Variants in NCKAP5 observed in about 807,000 individuals in gnomAD.
The protein encoded by NCKAP5 is nck-associated protein 5.
NCKAP5 carries 92 observed loss-of-function variants against 167.0 expected under a neutral mutation model. The ratio of observed to expected loss-of-function variants is 0.55; its 90% confidence interval spans 0.47 to 0.66. The LOEUF (loss-of-function observed/expected upper bound fraction) is 0.66, where lower values mean the gene tolerates loss of function less well. NCKAP5 is among the 30% of genes least tolerant of loss of function. The probability of loss-of-function intolerance (pLI) is 0.00; values close to 1 mark genes in which losing one functional copy is unlikely to be tolerated. For missense variants in NCKAP5, 2,378 were observed against 2,315.0 expected (o/e 1.03, Z -0.56); for synonymous variants, 891 against 877.4 (o/e 1.02, Z -0.27).
chr2:132,909,550 C>T (rs904787346), intron 8 of NCKAP5, among the ~76,000 whole-genome samples: 1 of 152,206 alleles, frequency 6.6e-6, no homozygotes, highest in Non-Finnish European at 1.5e-5. Context: ...AGATTATCGA[C>T]AATGGTTCTG....
At chr2:133,249,985 C>T (rs888749480) in intron 4 of NCKAP5, among the ~76,000 whole-genome samples, 1 of 82,788 alleles carries the variant, frequency 1.2e-5, no homozygotes, top group Non-Finnish European at 2.7e-5. Context: ...CATGTAAAGC[C>T]ACCACCAAGG....
chr2:132,840,627 G>T (rs938011133), intron 11 of NCKAP5, among the ~76,000 whole-genome samples: 1 of 152,088 alleles, frequency 6.6e-6, no homozygotes, highest in African/African-American at 2.4e-5. Context: ...CACCACAATA[G>T]CAGCAGGAAG....
chr2:133,672,528 T>C, the NCKAP5 span, among the ~76,000 whole-genome samples: 1 of 152,242 alleles, frequency 6.6e-6, no homozygotes, highest in Admixed American at 6.5e-5. Context: ...AAACAGGTTC[T>C]TCACCACAGA....
intron 11 of NCKAP5, among the ~76,000 whole-genome samples, chr2:132,813,129 G>A (rs992999274): frequency 6.6e-6 from 1 of 152,220 alleles, no homozygotes; most frequent in Admixed American, 6.5e-5. Context: ...AGAGACGAGA[G>A]AGAATGTGCC....
chr2:133,222,090 T>C (rs1025898208), intron 4 of NCKAP5, among the ~76,000 whole-genome samples: 2 of 152,150 alleles, frequency 1.3e-5, no homozygotes, highest in Non-Finnish European at 2.9e-5. Context: ...TCCCATGAGG[T>C]AGGTATTATT....
chr2:133,065,061 C>T lies in NCKAP5; in HGVS notation c.341+64917G>A, dbSNP rs544640407. On this transcript the variant is annotated intron_variant, in intron 6 of 19. Coordinates refer to ENST00000409261, the MANE Select transcript of NCKAP5 (RefSeq NM_207363.3). Reference sequence around the variant, plus strand: ...ATGAACAGAGTCATTTAGCCTCATTCTCTTGTTTTAAAGTGTTGATTGCCT... The same window carrying T: ...ATGAACAGAGTCATTTAGCCTCATTTTCTTGTTTTAAAGTGTTGATTGCCT... Among the ~76,000 whole-genome samples the T allele has an allele frequency of 6.6e-5, 10 of 152,282 alleles. No homozygotes were observed. The South Asian group carries it at 2.1e-3, about 32-fold the overall frequency.
chr2:133,060,155 C>T (rs929519379), intron 6 of NCKAP5, among the ~76,000 whole-genome samples: 1 of 152,186 alleles, frequency 6.6e-6, no homozygotes, highest in Non-Finnish European at 1.5e-5. Flanking sequence ...ATCTCAAGAG[C>T]TGAACTTTAA....
intron 8 of NCKAP5, among the ~76,000 whole-genome samples, chr2:132,927,697 C>T (rs1161066477): frequency 1.3e-5 from 2 of 151,934 alleles, no homozygotes; most frequent in East Asian, 1.9e-4. Context: ...ATAAAAATGC[C>T]ACTGATTTTT....
intron 3 of NCKAP5, among the ~76,000 whole-genome samples, chr2:133,454,949 T>C (rs1258707121): frequency 1.3e-5 from 2 of 152,080 alleles, no homozygotes; most frequent in Admixed American, 1.3e-4. Flanking sequence ...AGGGTCTGAT[T>C]TGAGAAAATA....
At chr2:132,883,205 T>TAC (rs3044408) in intron 8 of NCKAP5, among the ~76,000 whole-genome samples, 5,895 of 139,660 alleles carry the variant, frequency 0.042, 181 homozygotes, top group African/African-American at 0.074. Context: ...CTGACTCAAA[T>TAC]ACACACACAC....
intron 4 of NCKAP5, among the ~76,000 whole-genome samples, chr2:133,292,893 T>C (rs547313042): frequency 3.9e-5 from 6 of 152,342 alleles, no homozygotes; most frequent in African/African-American, 1.4e-4. Flanking sequence ...TTATTAACTA[T>C]AAAGATCCTA....
At chr2:133,656,657 G>T in the NCKAP5 span, among the ~76,000 whole-genome samples, 1 of 152,146 alleles carries the variant, frequency 6.6e-6, no homozygotes, top group Non-Finnish European at 1.5e-5. Context: ...TTGTCTTGAT[G>T]GAGTAAAGGA....
chr2:133,298,829 T>C (rs1211167178), intron 4 of NCKAP5, among the ~76,000 whole-genome samples: 2 of 152,174 alleles, frequency 1.3e-5, no homozygotes, highest in East Asian at 3.8e-4. Context: ...GATACAACCA[T>C]ACATGTTATT....
intron 19 of NCKAP5, among the ~76,000 whole-genome samples, chr2:132,704,514 C>T (rs1257123417): frequency 6.6e-6 from 1 of 152,214 alleles, no homozygotes; most frequent in Admixed American, 6.5e-5. Context: ...CCACCAATAA[C>T]AACAGCAACT....
At chr2:133,484,514 T>C (rs1680733812) in intron 3 of NCKAP5, among the ~76,000 whole-genome samples, 1 of 152,128 alleles carries the variant, frequency 6.6e-6, no homozygotes. Context: ...TAGAACAACA[T>C]GACAAGATGG....
intron 19 of NCKAP5, among the ~76,000 whole-genome samples, chr2:132,677,273 AT>A (rs975316485): frequency 1.4e-4 from 22 of 152,236 alleles, no homozygotes; most frequent in African/African-American, 5.3e-4. Context: ...ATGCAAATAC[AT>A]TTTCAAGCTT....
At chr2:133,602,993 A>G in the NCKAP5 span, among the ~76,000 whole-genome samples, 10 of 152,216 alleles carry the variant, frequency 6.6e-5, no homozygotes, top group African/African-American at 2.4e-4. Context: ...CTATGGAAGC[A>G]GATGAAACAT....
rs376165130 is a variant in NCKAP5, at chr2:133,033,850, T to C, written c.342-39611A>G. 4.6e-5 allele frequency among the ~76,000 whole-genome samples: 7 copies of C among 151,674 alleles called. No homozygotes were observed. In the East Asian group the frequency reaches 1.2e-3, roughly 25 times the overall value. On this transcript the variant is annotated intron_variant, in intron 6 of 19. Transcript: ENST00000409261. ...GAAAGAAAAAAGAATAAAAAAACAA[T>C]GAACCAGACCTATGGGATCTAGAAA...
intron 16 of NCKAP5, among the ~76,000 whole-genome samples, chr2:132,753,138 A>G (rs1680255306): frequency 6.6e-6 from 1 of 152,218 alleles, no homozygotes; most frequent in African/African-American, 2.4e-5. Flanking sequence ...CCCAGTCAAC[A>G]TATGAAATTA....
Sources: allele counts gnomAD v4.1 joint callset (sites outside exome capture counted in the v4.1 genomes callset), GRCh38; gene constraint gnomAD v4.1.1; transcripts MANE v1.5; gene names NCBI Gene and HGNC (gene_info 2026-07-23, HGNC 2026-07-21).